HDAC9: variants seen among roughly 807,000 people sequenced by gnomAD.
HDAC9 encodes MEF-2 interacting transcription repressor (MITR) protein.
Under a neutral mutation model 139.4 loss-of-function variants are expected in HDAC9, and 41 were observed. The ratio of observed to expected loss-of-function variants is 0.29; its 90% CI spans 0.23 to 0.38. The LOEUF (loss-of-function observed/expected upper bound fraction) is 0.38. Ranked by LOEUF, HDAC9 falls within the 10% of genes least tolerant of loss-of-function variation. The pLI is 1.00. For synonymous variants in HDAC9, 517 were observed against 476.2 expected (o/e 1.09, Z -1.12); for missense variants, 1,147 against 1,297.0 (o/e 0.88, Z 1.78).
intron 23 of HDAC9, among the ~76,000 whole-genome samples, chr7:18,937,070 C>T (rs1416472945): frequency 3.9e-5 from 5 of 128,448 alleles, no homozygotes; most frequent in African/African-American, 1.2e-4. Context: ...GATAGAGTCT[C>T]GCTCTGTCGC....
intron 2 of HDAC9, among the ~76,000 whole-genome samples, chr7:18,190,862 T>C (rs1365717069): frequency 1.3e-5 from 2 of 152,212 alleles, no homozygotes; most frequent in South Asian, 4.1e-4. Context: ...ATTATGCATG[T>C]TTTACCTTTG....
At chr7:18,257,401 C>CCACACACACACA (rs773964606) in intron 2 of HDAC9, among the ~76,000 whole-genome samples, 7 of 130,860 alleles carry the variant, frequency 5.3e-5, no homozygotes, top group African/African-American at 2.0e-4. Context: ...TCTGTCTCTC[C>CCACACACACACA]CACACACACA....
intron 13 of HDAC9, among the ~76,000 whole-genome samples, chr7:18,730,146 A>T (rs1014566558): frequency 1.3e-5 from 2 of 152,202 alleles, no homozygotes; most frequent in African/African-American, 4.8e-5. Flanking sequence ...CTCCACTGGC[A>T]TTGGGATTAA....
At chr7:18,968,409 A>G (rs1046382786) in intron 24 of HDAC9, among the ~76,000 whole-genome samples, 1 of 141,644 alleles carries the variant, frequency 7.1e-6, no homozygotes, top group African/African-American at 2.5e-5. Flanking sequence ...ATCAGAAACA[A>G]GAGAAAACTA....
intron 2 of HDAC9, among the ~76,000 whole-genome samples, chr7:18,183,091 G>C (rs1406318254): frequency 1.3e-5 from 2 of 151,318 alleles, no homozygotes; most frequent in Non-Finnish European, 2.9e-5. Context: ...CTCACTGCAA[G>C]CTCCGCCTCC....
chr7:18,710,545 TA>T (rs547456526), intron 12 of HDAC9, among the ~76,000 whole-genome samples: 3 of 152,044 alleles, frequency 2.0e-5, no homozygotes, highest in East Asian at 1.9e-4. Flanking sequence ...CATATTCTGG[TA>T]AAAAAAATTT....
At chr7:18,238,986 T>G (rs1242731456) in intron 2 of HDAC9, among the ~76,000 whole-genome samples, 1 of 152,214 alleles carries the variant, frequency 6.6e-6, no homozygotes, top group Non-Finnish European at 1.5e-5. Context: ...CCCCATAATT[T>G]TTTAACTCTG....
At chr7:18,686,821 A>G (rs1395302404) in intron 12 of HDAC9, among the ~76,000 whole-genome samples, 4 of 151,866 alleles carry the variant, frequency 2.6e-5, no homozygotes, top group Non-Finnish European at 4.4e-5. Flanking sequence ...CTTCATATGT[A>G]AAAATCCTCA....
intron 1 of HDAC9, among the ~76,000 whole-genome samples, chr7:18,391,389 C>A (rs55697138): frequency 0.18 from 26,483 of 149,838 alleles, 2,677 homozygotes; most frequent in Non-Finnish European, 0.23. Context: ...CATCCCCCCC[C>A]CAAAAAAAAA....
intron 1 of HDAC9, among the ~76,000 whole-genome samples, chr7:18,372,418 C>T (rs941211167): frequency 6.6e-6 from 1 of 152,196 alleles, no homozygotes; most frequent in Non-Finnish European, 1.5e-5. Flanking sequence ...TGAACCACAG[C>T]AGAGAGCTGG....
intron 21 of HDAC9, among the ~76,000 whole-genome samples, chr7:18,842,783 G>T (rs1427978895): frequency 6.6e-6 from 1 of 151,944 alleles, no homozygotes; most frequent in African/African-American, 2.4e-5. Flanking sequence ...TCTGCTCTTT[G>T]ACCCTGAGAG....
intron 13 of HDAC9, among the ~76,000 whole-genome samples, chr7:18,741,857 G>A (rs1787492385): frequency 6.6e-6 from 1 of 152,174 alleles, no homozygotes; most frequent in African/African-American, 2.4e-5. Context: ...ATGACTTCGA[G>A]GGGGTCAATA....
At chr7:18,665,502 AAAAT>A (rs3216881) in intron 11 of HDAC9, among the ~76,000 whole-genome samples, 6,498 of 152,212 alleles carry the variant, frequency 0.043, 442 homozygotes, top group African/African-American at 0.14. Context: ...TCTAATTTAT[AAAAT>A]AAATAAAATG....
At chr7:18,363,131 G>C (rs141765486) in intron 1 of HDAC9, among the ~76,000 whole-genome samples, 1 of 152,116 alleles carries the variant, frequency 6.6e-6, no homozygotes, top group Non-Finnish European at 1.5e-5. Context: ...TAATTAATTC[G>C]GTTTATCTTT....
chr7:18,725,508 A>T (rs141725530), intron 12 of HDAC9, among the ~76,000 whole-genome samples: 41 of 152,278 alleles, frequency 2.7e-4, no homozygotes, highest in African/African-American at 9.4e-4. Context: ...TGTCTTGCTT[A>T]CTGCAGGGCT....
At chr7:18,404,270 A>C (rs893874534) in intron 1 of HDAC9, among the ~76,000 whole-genome samples, 2 of 152,210 alleles carry the variant, frequency 1.3e-5, no homozygotes, top group Non-Finnish European at 2.9e-5. Context: ...AGCCAGCAAA[A>C]ATGTAAGAGG....
chr7:18,661,846 G>A (rs573889381), intron 11 of HDAC9, among the ~76,000 whole-genome samples: 2 of 152,148 alleles, frequency 1.3e-5, no homozygotes, highest in South Asian at 4.1e-4. Context: ...GGAACAAATA[G>A]AATTATTTCT....
intron 20 of HDAC9, 66 bp from the exon 21 acceptor site, chr7:18,835,834 C>G: frequency 8.6e-7 from 1 of 1,160,522 alleles, no homozygotes; most frequent in Non-Finnish European, 1.2e-6. Flanking sequence ...GCTTGTTTTC[C>G]TCTCTTCTTG....
rs145131363 is a variant in HDAC9 at position 18,592,080 on chromosome 7, G to A, written c.542+438G>A. The stretch of plus-strand genomic sequence containing the variant: ...TTGTGATTTTATTACACTTGACTTG[G>A]TGTAAGATGGAGGTCAGAGCTATTT... On this transcript the variant is annotated intron_variant, in intron 5 of 25. Transcript: ENST00000686413. Among the ~76,000 whole-genome samples the A allele has an allele frequency of 2.5e-4, 38 of 152,194 alleles. 1 individual carries two copies. Among genetic ancestry groups the A allele is most frequent in the African/African-American group, 4.8e-4 (20 of 41,536 alleles).
Sources: allele counts gnomAD v4.1 joint callset (sites outside exome capture counted in the v4.1 genomes callset), GRCh38; gene constraint gnomAD v4.1.1; transcripts MANE v1.5; gene names NCBI Gene and HGNC (gene_info 2026-07-23, HGNC 2026-07-21).